The following BTBD19 variants were observed in gnomAD, a reference collection of about 807,000 sequenced individuals.
BTBD19 encodes BTB/POZ domain-containing protein 19.
Under a neutral mutation model 36.1 loss-of-function variants are expected in BTBD19, and 20 were observed. The observed-to-expected ratio is 0.55, with a 90% CI of 0.39 to 0.80. The LOEUF (loss-of-function observed/expected upper bound fraction) is 0.80, where lower values mean the gene tolerates loss of function less well. Ranked by LOEUF, BTBD19 falls within the 30% of genes least tolerant of loss-of-function variation. BTBD19 has a pLI of 0.00. For missense variants in BTBD19, 325 were observed against 389.8 expected (o/e 0.83, Z 1.40); for synonymous variants, 157 against 174.3 (o/e 0.90, Z 0.78).
chr1:44,810,671 T>G lies in BTBD19; in HGVS notation c.354+64T>G. ...CTTCTCACGGGCTCACTTCCCGCCC[T>G]GCCTCACACACACTCTGGCCTGGAG... is the stretch of plus-strand genomic sequence containing the variant. On this transcript the variant is annotated intron_variant, in intron 3 of 7. Transcript: ENST00000450269. This position sits in a 1 kb window ranked among gnomAD's most constrained non-coding sequence, Gnocchi z 4.2. 7.0e-7 allele frequency: 1 copy of G among 1,437,778 alleles called. No individual in the cohort carries two copies. Among genetic ancestry groups the G allele is most frequent in the Non-Finnish European group, 9.3e-7 (1 of 1,072,360 alleles). The allele number at this position is 1,437,778 out of a possible 1,614,324, so 89.1% of individuals were successfully genotyped here.
At chr1:44,811,631 C>T (rs563540797) in intron 3 of BTBD19, 12 of 233,184 alleles carry the variant, frequency 5.1e-5, no homozygotes, top group East Asian at 4.6e-4. Context: ...GGAGAGGACT[C>T]GCTAGTCCAG....
chr1:44,808,792 C>T, exon 1 of BTBD19: 1 of 1,503,160 alleles, frequency 6.7e-7, no homozygotes. Flanking sequence ...CTCCCAGGCT[C>T]CCTCCTCCAC....
rs1172170521 is a variant in BTBD19, at chr1:44,810,529, AC to A, written c.301-24del. 4 of 1,550,138 alleles carry A rather than the reference AC, an allele frequency of 2.6e-6. No individual in the cohort carries two copies. In the Admixed American group the frequency reaches 7.9e-5, roughly 30 times the overall value. On this transcript the variant is annotated intron_variant, in intron 2 of 7. Transcript: ENST00000450269. The surrounding 1 kb of genome is among the most constrained non-coding windows in gnomAD (Gnocchi z 4.2). ...CACAGGGCAGGGGAAACTCCCTTCC[AC>A]TCCCCCAACCACCCACTCTACAGGT...
intron 4 of BTBD19, 48 bp from the exon 5 acceptor site, chr1:44,812,948 C>T: frequency 6.7e-7 from 1 of 1,482,332 alleles, no homozygotes; most frequent in Non-Finnish European, 9.1e-7. Flanking sequence ...GCAGGCTGGG[C>T]TACGGCCTCT....
chr1:44,813,234 G>C lies in BTBD19; in HGVS notation c.580G>C (p.Val194Leu). Residue 194 changes from valine (V) to leucine (L), a missense_variant, in exon 6 of 8, where the codon GTC becomes CTC. Transcript: ENST00000450269. The surrounding 1 kb of genome is among the most constrained non-coding windows in gnomAD (Gnocchi z 7.8). The stretch of plus-strand genomic sequence containing the variant: ...GCTCTGCGTGGACGAGGCTGAACTG[G>C]TCCGCGCGGCCCGAAGCTGGGCGCG... The C allele has an allele frequency of 3.9e-6, 6 of 1,540,672 alleles. No homozygotes were observed. The highest frequency in any genetic ancestry group is 5.2e-6 in the Non-Finnish European group (6 of 1,144,166).
At position 44,810,917 on chromosome 1, in the gene BTBD19, T is replaced by C. The variant is rs1652381892; in HGVS notation, c.354+310T>C. On this transcript the variant is annotated intron_variant, in intron 3 of 7. Transcript: ENST00000450269. The surrounding 1 kb of genome is among the most constrained non-coding windows in gnomAD (Gnocchi z 4.2). Reference sequence around the variant, plus strand: ...AGACACATGAAAATGCTTACCTGGGTGGCATAAGAAGTGTGATAGAGGCCG... The same window carrying C: ...AGACACATGAAAATGCTTACCTGGGCGGCATAAGAAGTGTGATAGAGGCCG... Among the ~76,000 whole-genome samples, 1 of 152,008 alleles carries C rather than the reference T, an allele frequency of 6.6e-6. No homozygotes were observed. The highest frequency in any genetic ancestry group is 1.5e-5 in the Non-Finnish European group (1 of 68,002).
chr1:44,813,840 G>A lies in BTBD19; in HGVS notation c.*68G>A. 1 of 1,539,708 alleles carries A rather than the reference G, an allele frequency of 6.5e-7. No homozygotes were observed. Among genetic ancestry groups the A allele is most frequent in the Admixed American group, 2.0e-5 (1 of 50,784 alleles). On this transcript the variant is annotated 3_prime_UTR_variant, in exon 8 of 8. Transcript: ENST00000450269. The surrounding 1 kb of genome is among the most constrained non-coding windows in gnomAD (Gnocchi z 7.8). ...GAGCCTGCCCCAAACTACAGCTCCC[G>A]AAGTGCTCGGCGTTCGGAGCGGGCT...
At chr1:44,812,307 C>T in intron 4 of BTBD19, 1 of 455,088 alleles carries the variant, frequency 2.2e-6, no homozygotes, top group Admixed American at 2.4e-5. Flanking sequence ...GGTGCAGGAG[C>T]AGGTGTTGAA....
At chr1:44,809,303 G>T (rs1465092566) in intron 1 of BTBD19, among the ~76,000 whole-genome samples, 1 of 152,166 alleles carries the variant, frequency 6.6e-6, no homozygotes, top group African/African-American at 2.4e-5. Context: ...CCTGTTCTGG[G>T]AACTGAGGCT....
chr1:44,815,573 C>T (rs1396790938), downstream of BTBD19: 1 of 151,454 alleles, frequency 6.6e-6, no homozygotes, highest in Non-Finnish European at 1.5e-5. Context: ...AAGTAAATGA[C>T]TTTATTTATT....
intron 4 of BTBD19, among the ~76,000 whole-genome samples, 194 bp downstream of exon 4, chr1:44,812,292 G>A (rs980697650): frequency 6.6e-6 from 1 of 152,094 alleles, no homozygotes; most frequent in Non-Finnish European, 1.5e-5. Context: ...GTATCAGCAG[G>A]GTCAGGTGCA....
At chr1:44,812,948 C>CTACGG in intron 4 of BTBD19, 48 bp from the exon 5 acceptor site, 1 of 1,482,332 alleles carries the variant, frequency 6.7e-7, no homozygotes, top group Non-Finnish European at 9.1e-7. Flanking sequence ...GCAGGCTGGG[C>CTACGG]TACGGCCTCT....
chr1:44,814,033 T>G, exon 8 of BTBD19: 3 of 587,788 alleles, frequency 5.1e-6, no homozygotes, highest in Non-Finnish European at 6.0e-6. Context: ...ATTTCCTTCG[T>G]TCCACACCCT....
Position 44,810,786 on chromosome 1 carries a change from C to A in BTBD19, c.354+179C>A, listed in dbSNP as rs527570806. On this transcript the variant is annotated intron_variant, in intron 3 of 7. Transcript: ENST00000450269. The surrounding 1 kb of genome is among the most constrained non-coding windows in gnomAD (Gnocchi z 4.2). ...GTGCCTGTGTGCAAAAGGATCCATGCATGCCTGCCCTGTGTGTGCTGTGGG... is the reference window on the plus strand; with the variant it reads ...GTGCCTGTGTGCAAAAGGATCCATGAATGCCTGCCCTGTGTGTGCTGTGGG... 2.6e-4 allele frequency: 116 copies of A among 452,226 alleles called. No homozygotes were observed. The highest frequency in any genetic ancestry group is 2.1e-3 in the African/African-American group (105 of 49,130). The allele number at this position is 452,226 out of a possible 1,614,324, so 28.0% of individuals were successfully genotyped here. A position where few individuals can be genotyped will look rare whatever the true frequency, so the allele number is the denominator to read the frequency against.
At chr1:44,808,722 A>C in exon 1 of BTBD19, 1 of 827,644 alleles carries the variant, frequency 1.2e-6, no homozygotes, top group Non-Finnish European at 1.8e-6. Flanking sequence ...AGGCCTCCCA[A>C]GTCCCTGCTT....
At chr1:44,815,302 A>C (rs963983676), downstream of BTBD19, 1 of 152,170 alleles carries the variant, frequency 6.6e-6, no homozygotes, top group African/African-American at 2.4e-5. Flanking sequence ...AGGGCACTCA[A>C]AACTACTAGT....
Position 44,813,589 on chromosome 1 carries a change from G to A in BTBD19, c.742-49G>A. The A allele has an allele frequency of 1.3e-6, 2 of 1,536,840 alleles. No individual in the cohort carries two copies. Among genetic ancestry groups the A allele is most frequent in the Non-Finnish European group, 1.8e-6 (2 of 1,137,196 alleles). On this transcript the variant is annotated intron_variant, in intron 7 of 7. Coordinates refer to ENST00000450269, the Ensembl canonical transcript of BTBD19. The surrounding 1 kb of genome is among the most constrained non-coding windows in gnomAD (Gnocchi z 7.8). The stretch of plus-strand genomic sequence containing the variant: ...GGAGCAGCCCGGCCCACGGTCCTCG[G>A]GGCGAGGGGCCACCGCGGGACTGCG...
downstream of BTBD19, chr1:44,814,700 GCA>G (rs1415885402): frequency 6.6e-6 from 1 of 151,332 alleles, no homozygotes; most frequent in Non-Finnish European, 1.5e-5. Flanking sequence ...TTACAGACAT[GCA>G]CCACAACGCC....
chr1:44,811,436 C>T (rs1325753961), intron 3 of BTBD19, among the ~76,000 whole-genome samples: 1 of 152,142 alleles, frequency 6.6e-6, no homozygotes, highest in South Asian at 2.1e-4. Flanking sequence ...GCTAGTGAGA[C>T]ATTTGGTGTG....
Sources: gnomAD v4.1 joint callset for allele counts (sites outside exome capture counted in the v4.1 genomes callset) on GRCh38, gnomAD v4.1.1 for gene constraint, Gnocchi (gnomAD v3.1) non-coding constraint, MANE v1.5 for transcripts, NCBI Gene and HGNC (gene_info 2026-07-23, HGNC 2026-07-21) for gene names.